Variants in NRXN1 observed in about 807,000 individuals in gnomAD.
The protein encoded by NRXN1 is neurexin 1, also known as neurexin-1.
A neutral mutation model predicts 150.9 loss-of-function variants in NRXN1; 39 were observed. The ratio of observed to expected loss-of-function variants is 0.26; its 90% CI spans 0.20 to 0.34. NRXN1 has a LOEUF of 0.34. Among genes scored for constraint, NRXN1 ranks in the 10% least tolerant of loss-of-function variants. NRXN1 has a pLI of 1.00. For synonymous variants in NRXN1, 924 were observed against 757.0 expected, an observed-to-expected ratio of 1.22 and a Z score of -3.62; for missense variants, 1,815 against 1,949.9, an observed-to-expected ratio of 0.93 and a Z score of 1.30.
At chr2:50,138,966 A>G (rs552654784) in intron 18 of NRXN1, among the ~76,000 whole-genome samples, 1 of 152,228 alleles carries the variant, frequency 6.6e-6, no homozygotes. Flanking sequence ...TGAGAGGTGC[A>G]GATAAAAGGT....
At chr2:50,155,825 T>G (rs941647196) in intron 18 of NRXN1, among the ~76,000 whole-genome samples, 3 of 151,596 alleles carry the variant, frequency 2.0e-5, no homozygotes, top group Non-Finnish European at 4.4e-5. Context: ...GGCCAAAGTT[T>G]TCACAGTAGA....
chr2:51,029,053 G>C lies in NRXN1; in HGVS notation c.-780C>G, dbSNP rs935519635. The C allele has an allele frequency of 6.6e-6, 1 of 152,244 alleles. No homozygotes were observed. The highest frequency in any genetic ancestry group is 1.5e-5 in the Non-Finnish European group (1 of 68,054). 9.4% of individuals were successfully genotyped at this position (152,244 alleles called of 1,614,324 possible). A position where few individuals can be genotyped will look rare whatever the true frequency, so the allele number is the denominator to read the frequency against. ...CCCAGCAGTTGCGAAATAGCCAGAA[G>C]CTGTTAGATGTGGAAATCGCAACAG... On this transcript the variant is annotated 5_prime_UTR_variant, in exon 2 of 23. Coordinates refer to ENST00000401669, the MANE Select transcript of NRXN1 (RefSeq NM_001330078.2).
chr2:50,631,772 A>T (rs1325436211), intron 5 of NRXN1, among the ~76,000 whole-genome samples: 1 of 151,924 alleles, frequency 6.6e-6, no homozygotes, highest in African/African-American at 2.4e-5. Flanking sequence ...TACATATAAA[A>T]TGAGACACAC....
chr2:49,933,382 G>A (rs112702200), intron 22 of NRXN1, among the ~76,000 whole-genome samples: 23 of 152,134 alleles, frequency 1.5e-4, no homozygotes, highest in African/African-American at 5.3e-4. Flanking sequence ...CACTGCACCC[G>A]GGCTTTAGGT....
intron 5 of NRXN1, among the ~76,000 whole-genome samples, chr2:50,676,990 T>C (rs1689640728): frequency 1.3e-5 from 2 of 152,148 alleles, no homozygotes; most frequent in East Asian, 1.9e-4. Context: ...ATAAAGTATA[T>C]GGGCATTCAC....
chr2:50,030,575 G>T lies in NRXN1; in HGVS notation c.4128+22696C>A, dbSNP rs549326368. 2.0e-5 allele frequency among the ~76,000 whole-genome samples: 3 copies of T among 152,248 alleles called. 1 individual carries two copies. Among genetic ancestry groups the T allele is most frequent in the South Asian group, 4.1e-4 (2 of 4,822 alleles). ...CTGTCCAACACTTTGTTTCTTCAGA[G>T]TTGAGTTCAGTTTCTCTCCCCTATT... On this transcript the variant is annotated intron_variant, in intron 21 of 22. Transcript: ENST00000401669.
At chr2:50,454,005 A>C (rs749792214) in intron 17 of NRXN1, among the ~76,000 whole-genome samples, 16 of 152,162 alleles carry the variant, frequency 1.1e-4, no homozygotes, top group Non-Finnish European at 1.2e-4. Flanking sequence ...TGAAATGACA[A>C]AATATCCTAG....
At chr2:50,773,467 G>C (rs907789698) in intron 5 of NRXN1, among the ~76,000 whole-genome samples, 2 of 152,120 alleles carry the variant, frequency 1.3e-5, no homozygotes, top group African/African-American at 2.4e-5. Flanking sequence ...CAGATAGAAG[G>C]CCTGAAATAA....
At chr2:51,011,711 T>A (rs935964679) in intron 2 of NRXN1, among the ~76,000 whole-genome samples, 2 of 152,008 alleles carry the variant, frequency 1.3e-5, no homozygotes. Flanking sequence ...TGAGTCTGGA[T>A]AAGGAGACCA....
In NRXN1 at chr2:50,050,159, C is replaced by CTTCT. The variant is rs1553527479; in HGVS notation, c.4128+3111_4128+3112insAGAA. ...TTGATTATCATTCAAAGCAAAACTT[C>CTTCT]TTTTTTTTTTTTTTACTTTTAAAAG... On this transcript the variant is annotated intron_variant, in intron 21 of 22. Transcript: ENST00000401669. Among the ~76,000 whole-genome samples, 26 of 141,684 alleles carry CTTCT rather than the reference C, an allele frequency of 1.8e-4. No homozygotes were observed. The East Asian group carries it at 3.5e-3, about 19-fold the overall frequency. The allele number at this position is 141,684 out of a possible 152,430, so 93.0% of individuals were successfully genotyped here. A position where few individuals can be genotyped will look rare whatever the true frequency, so the allele number is the denominator to read the frequency against.
intron 5 of NRXN1, among the ~76,000 whole-genome samples, chr2:50,837,420 G>A (rs1193871574): frequency 1.3e-5 from 2 of 152,044 alleles, no homozygotes; most frequent in African/African-American, 4.8e-5. Flanking sequence ...TAGAATCCAG[G>A]CTGTCCTTAT....
Position 50,496,040 on chromosome 2 carries a change from A to C in NRXN1, c.2935T>G (p.Ser979Ala). ...TGATTGTCATTGAGAGGTTTATTTG[A>C]GCTTCCTTTGATGAGGTTAGCACCA... Reference protein sequence around the residue: ...GNGANLIKGSSNKPLNDNQWH... With the variant: ...GNGANLIKGSANKPLNDNQWH... The change falls in exon 15 of 23, where the codon TCA (serine) becomes GCA (alanine). Residue 979 changes from serine to alanine, a missense_variant. Physicochemically the swap from Ser to Ala is moderately conservative, Grantham distance 99 (BLOSUM62 1). Coordinates refer to ENST00000401669, the MANE Select transcript of NRXN1 (RefSeq NM_001330078.2). The C allele has an allele frequency of 1.2e-6, 2 of 1,612,770 alleles. No homozygotes were observed. The highest frequency in any genetic ancestry group is 1.7e-6 in the Non-Finnish European group (2 of 1,179,296).
intron 18 of NRXN1, among the ~76,000 whole-genome samples, chr2:50,135,189 G>C (rs924955121): frequency 6.6e-6 from 1 of 152,096 alleles, no homozygotes; most frequent in East Asian, 1.9e-4. Flanking sequence ...CTCATGTTTT[G>C]AATACATATT....
intron 5 of NRXN1, among the ~76,000 whole-genome samples, chr2:50,658,720 G>T (rs1243571014): frequency 2.0e-5 from 3 of 151,704 alleles, no homozygotes; most frequent in African/African-American, 7.3e-5. Context: ...ATGCAGTTTT[G>T]CCAGATTCCA....
chr2:50,333,767 T>G (rs1333737434), intron 17 of NRXN1, among the ~76,000 whole-genome samples: 1 of 151,890 alleles, frequency 6.6e-6, no homozygotes, highest in Non-Finnish European at 1.5e-5. Context: ...AGGCACCTGA[T>G]AAGCACTTGA....
At chr2:49,996,910 C>G (rs1365485900) in intron 21 of NRXN1, among the ~76,000 whole-genome samples, 1 of 152,080 alleles carries the variant, frequency 6.6e-6, no homozygotes, top group Non-Finnish European at 1.5e-5. Flanking sequence ...CATCTTAGTC[C>G]AAATAATTAT....
Position 50,793,071 on chromosome 2 carries a change from T to C in NRXN1, c.832+128798A>G, listed in dbSNP as rs183734115. ...GGCATTAGTTAACGAGAGACATTTC[T>C]TTCCACCGAGTGTAAGTAATAGGAT... is the stretch of plus-strand genomic sequence containing the variant. On this transcript the variant is annotated intron_variant, in intron 5 of 22. Coordinates refer to ENST00000401669, the MANE Select transcript of NRXN1 (RefSeq NM_001330078.2). Among the ~76,000 whole-genome samples the C allele has an allele frequency of 7.2e-5, 11 of 152,240 alleles. No individual in the cohort carries two copies. The East Asian group carries it at 1.9e-3, about 27-fold the overall frequency.
intron 5 of NRXN1, among the ~76,000 whole-genome samples, chr2:50,668,117 G>A (rs572516511): frequency 8.8e-4 from 134 of 151,984 alleles, no homozygotes; most frequent in African/African-American, 3.2e-3. Context: ...ATGTCTCAAC[G>A]TCTCCTTTCT....
intron 17 of NRXN1, among the ~76,000 whole-genome samples, chr2:50,363,805 A>G (rs1161355557): frequency 6.6e-6 from 1 of 152,194 alleles, no homozygotes; most frequent in African/African-American, 2.4e-5. Flanking sequence ...TGTTTATTGC[A>G]ACACTATTCA....
Sources: allele counts gnomAD v4.1 joint callset (sites outside exome capture counted in the v4.1 genomes callset), GRCh38; gene constraint gnomAD v4.1.1; transcripts MANE v1.5; gene names NCBI Gene and HGNC (gene_info 2026-07-23, HGNC 2026-07-21).